Variants in JAK1 observed in about 807,000 individuals in gnomAD.
The protein encoded by JAK1 is Janus kinase 1.
Under a neutral mutation model 136.6 loss-of-function variants are expected in JAK1, and 16 were observed. The observed-to-expected ratio is 0.12, with a 90% CI of 0.08 to 0.18. The LOEUF (loss-of-function observed/expected upper bound fraction) is 0.18, where lower values mean the gene tolerates loss of function less well. Among genes scored for constraint, JAK1 ranks in the 10% least tolerant of loss-of-function variants. The pLI is 1.00. For synonymous variants in JAK1, 492 were observed against 519.5 expected, an observed-to-expected ratio of 0.95 and a Z score of 0.72; for missense variants, 859 against 1,450.1, an observed-to-expected ratio of 0.59 and a Z score of 6.62.
intron 12 of JAK1, among the ~76,000 whole-genome samples, chr1:64,848,379 CAT>C (rs1655376792): frequency 1.3e-5 from 2 of 152,214 alleles, no homozygotes; most frequent in African/African-American, 2.4e-5. Flanking sequence ...TGTGTGTGCT[CAT>C]GTGTGTGCAT....
chr1:64,856,054 A>G (rs1311021036), intron 10 of JAK1, among the ~76,000 whole-genome samples: 1 of 152,210 alleles, frequency 6.6e-6, no homozygotes. Context: ...TGGTGTATTG[A>G]AAAACTTAGT....
Position 64,844,917 on chromosome 1 carries a change from C to T in JAK1, c.2116-28G>A. 6.2e-7 allele frequency: 1 copy of T among 1,613,888 alleles called. No individual in the cohort carries two copies. The highest frequency in any genetic ancestry group is 1.1e-5 in the South Asian group (1 of 91,068). ...GCAGAGTAAAAAGGTCAAGTTTAGCCAAGCTGCTCCTTCCCGCATTCTATT... is the reference window on the plus strand; with the variant it reads ...GCAGAGTAAAAAGGTCAAGTTTAGCTAAGCTGCTCCTTCCCGCATTCTATT... On this transcript the variant is annotated intron_variant, in intron 15 of 24. Transcript: ENST00000342505. This position sits in a 1 kb window ranked among gnomAD's most constrained non-coding sequence, Gnocchi z 5.7.
At chr1:64,855,758 G>T in intron 10 of JAK1, 60 bp from the exon 11 acceptor site, 1 of 1,414,810 alleles carries the variant, frequency 7.1e-7, no homozygotes. Context: ...GGGTATGTAA[G>T]ATATTAACAT....
rs1647062852 is a variant in JAK1, at chr1:65,035,237, C to G, written c.-78+9243G>C. 1.3e-5 allele frequency among the ~76,000 whole-genome samples: 2 copies of G among 152,100 alleles called. 1 individual carries two copies. Among genetic ancestry groups the G allele is most frequent in the South Asian group, 4.1e-4 (2 of 4,828 alleles). Reference sequence around the variant, plus strand: ...TACAATAGAGTTCATTATTGCTTTTCCTACATACCAGAATAGAAACTGGCA... The same window carrying G: ...TACAATAGAGTTCATTATTGCTTTTGCTACATACCAGAATAGAAACTGGCA... On this transcript the variant is annotated intron_variant, in intron 2 of 25. Coordinates refer to the JAK1 transcript ENST00000671954.
chr1:64,941,046 C>T (rs1160774465), intron 1 of JAK1, among the ~76,000 whole-genome samples: 1 of 152,136 alleles, frequency 6.6e-6, no homozygotes, highest in Admixed American at 6.5e-5. Context: ...TACCTGTAAT[C>T]CCAGCTACTT....
intron 2 of JAK1, chr1:64,993,349 T>G (rs183506351): frequency 6.6e-6 from 1 of 152,414 alleles, no homozygotes; most frequent in Admixed American, 6.5e-5. Context: ...GGTATTGATT[T>G]TCCCTGCTGT....
chr1:64,891,866 T>C (rs1313364046), intron 1 of JAK1, among the ~76,000 whole-genome samples: 7 of 152,350 alleles, frequency 4.6e-5, no homozygotes, highest in African/African-American at 1.4e-4. Flanking sequence ...ATAGCAGCAA[T>C]TCCAGGAATA....
chr1:64,875,348 G>A (rs1213081799), intron 4 of JAK1, among the ~76,000 whole-genome samples: 1 of 152,218 alleles, frequency 6.6e-6, no homozygotes, highest in African/African-American at 2.4e-5. Flanking sequence ...CTCCTGGGAG[G>A]GAAGCCCCAT....
At chr1:65,017,144 A>G (rs777439348) in intron 2 of JAK1, among the ~76,000 whole-genome samples, 2 of 152,144 alleles carry the variant, frequency 1.3e-5, no homozygotes, top group Admixed American at 6.6e-5. Flanking sequence ...TAAAAAATAC[A>G]TCTCCCGATA....
At chr1:65,009,490 G>A (rs972064252) in intron 2 of JAK1, among the ~76,000 whole-genome samples, 2 of 151,924 alleles carry the variant, frequency 1.3e-5, no homozygotes, top group East Asian at 1.9e-4. Context: ...AAATTACATC[G>A]GGAAACTTAC....
intron 2 of JAK1, among the ~76,000 whole-genome samples, chr1:65,018,487 AACACACAC>A (rs556710090): frequency 1.0e-5 from 1 of 96,042 alleles, no homozygotes; most frequent in Admixed American, 1.3e-4. Context: ...AGAGAGAGAG[AACACACAC>A]ACACACACAC....
intron 1 of JAK1, among the ~76,000 whole-genome samples, chr1:64,950,579 G>A (rs1646067985): frequency 6.6e-6 from 1 of 152,146 alleles, no homozygotes; most frequent in Non-Finnish European, 1.5e-5. Context: ...CATCCGGCCA[G>A]CCCTTGGACT....
At chr1:64,951,275 T>C (rs1403963356) in intron 1 of JAK1, among the ~76,000 whole-genome samples, 1 of 152,228 alleles carries the variant, frequency 6.6e-6, no homozygotes, top group Non-Finnish European at 1.5e-5. Flanking sequence ...CGACCTAGCA[T>C]AAGCAGTATT....
intron 20 of JAK1, among the ~76,000 whole-genome samples, chr1:64,838,981 T>TAA (rs1414729232): frequency 1.4e-4 from 20 of 144,496 alleles, no homozygotes; most frequent in Admixed American, 1.0e-3. Context: ...CCGTCTCTAC[T>TAA]AAAAATACAA....
At chr1:64,952,713 G>C (rs1343285381) in intron 1 of JAK1, among the ~76,000 whole-genome samples, 1 of 152,162 alleles carries the variant, frequency 6.6e-6, no homozygotes, top group South Asian at 2.1e-4. Context: ...AGATAAGAAA[G>C]AGATACTAGG....
chr1:64,927,913 C>G (rs1645609865), intron 1 of JAK1, among the ~76,000 whole-genome samples: 2 of 152,194 alleles, frequency 1.3e-5, no homozygotes, highest in African/African-American at 4.8e-5. Flanking sequence ...TGGCTGAAAT[C>G]CAATCTGCCT....
At chr1:65,067,218 G>A (rs1212276973) in intron 1 of JAK1, among the ~76,000 whole-genome samples, 1 of 151,066 alleles carries the variant, frequency 6.6e-6, no homozygotes, top group African/African-American at 2.4e-5. Context: ...GGTCCCCGGA[G>A]GAGGCTGAAG....
chr1:65,023,535 C>G (rs1237151336), intron 2 of JAK1, among the ~76,000 whole-genome samples: 1 of 151,808 alleles, frequency 6.6e-6, no homozygotes, highest in East Asian at 1.9e-4. Context: ...TGAGGCTGGA[C>G]TGCAGTGGCA....
intron 1 of JAK1, among the ~76,000 whole-genome samples, chr1:64,924,583 T>A (rs1645550756): frequency 6.6e-6 from 1 of 152,156 alleles, no homozygotes; most frequent in Admixed American, 6.5e-5. Flanking sequence ...TGCATCAACC[T>A]TAGAACTATG....
Sources: gnomAD v4.1 joint callset for allele counts (sites outside exome capture counted in the v4.1 genomes callset) on GRCh38, gnomAD v4.1.1 for gene constraint, Gnocchi (gnomAD v3.1) non-coding constraint, MANE v1.5 for transcripts, NCBI Gene and HGNC (gene_info 2026-07-23, HGNC 2026-07-21) for gene names.